LYN: variants seen among roughly 807,000 people sequenced by gnomAD.
LYN encodes the protein tyrosine-protein kinase Lyn.
LYN carries 12 observed loss-of-function variants against 65.0 expected under a neutral mutation model. The observed-to-expected ratio is 0.18, with a 90% CI of 0.12 to 0.30. LYN has a LOEUF of 0.30. Ranked by LOEUF, LYN falls within the 10% of genes least tolerant of loss-of-function variation. LYN has a pLI of 1.00. For missense variants in LYN, 380 were observed against 623.2 expected (o/e 0.61, Z 4.16); for synonymous variants, 222 against 221.2 (o/e 1.00, Z -0.03).
intron 3 of LYN, among the ~76,000 whole-genome samples, chr8:55,946,881 C>T (rs1398211611): frequency 6.6e-6 from 1 of 152,182 alleles, no homozygotes; most frequent in Non-Finnish European, 1.5e-5. Flanking sequence ...AGCCTGATGT[C>T]CTCAAGGTTC....
Position 55,977,218 on chromosome 8 carries a change from C to A in LYN, c.1050+7425C>A, listed in dbSNP as rs569473175. ...AAATAAAAATAAAAATAAACTAGAC[C>A]GGTTCATTCTCAGTTGTGGAAGACT... On this transcript the variant is annotated intron_variant, in intron 10 of 12. Coordinates refer to ENST00000519728, the MANE Select transcript of LYN (RefSeq NM_002350.4). Among the ~76,000 whole-genome samples the A allele has an allele frequency of 2.0e-5, 3 of 152,018 alleles. No homozygotes were observed. In the South Asian group the frequency reaches 6.2e-4, roughly 32 times the overall value.
chr8:55,880,101 C>G lies in LYN; in HGVS notation c.-8C>G, dbSNP rs779529301. Reference sequence around the variant, plus strand: ...GCCGCCCCGAAACTTTCACCGCGAGCGGGTGAGTCCTCTGCGCGAGCCCAG... The same window carrying G: ...GCCGCCCCGAAACTTTCACCGCGAGGGGGTGAGTCCTCTGCGCGAGCCCAG... On this transcript the variant is annotated splice_region_variant and 5_prime_UTR_variant, in exon 1 of 13. Transcript: ENST00000519728. 5 of 288,952 alleles carry G rather than the reference C, an allele frequency of 1.7e-5. No homozygotes were observed. The highest frequency in any genetic ancestry group is 1.3e-4 in the South Asian group (5 of 37,222). 17.9% of individuals were successfully genotyped at this position (288,952 alleles called of 1,614,324 possible).
intron 1 of LYN, among the ~76,000 whole-genome samples, chr8:55,929,309 A>T (rs151286948): frequency 1.3e-4 from 20 of 152,290 alleles, no homozygotes; most frequent in African/African-American, 4.8e-4. Flanking sequence ...ACTAAGTGAG[A>T]CTAAGACTTA....
intron 1 of LYN, among the ~76,000 whole-genome samples, chr8:55,891,284 A>AGT (rs1468799524): frequency 2.0e-5 from 3 of 151,692 alleles, no homozygotes; most frequent in Admixed American, 1.3e-4. Context: ...CCCGGGAGGC[A>AGT]GAGGTTGCAG....
chr8:55,952,950 T>C (rs1026145199), intron 7 of LYN, among the ~76,000 whole-genome samples: 1 of 152,212 alleles, frequency 6.6e-6, no homozygotes, highest in African/African-American at 2.4e-5. Flanking sequence ...CCTGTGTAAT[T>C]GGAGTCAGTT....
intron 12 of LYN, among the ~76,000 whole-genome samples, chr8:56,002,376 G>A (rs563676524): frequency 5.9e-5 from 9 of 151,576 alleles, no homozygotes; most frequent in South Asian, 4.2e-4. Context: ...CTGAGATCGC[G>A]CCACTGCAAT....
intron 10 of LYN, among the ~76,000 whole-genome samples, chr8:55,993,559 A>T (rs1356865363): frequency 6.6e-6 from 1 of 152,018 alleles, no homozygotes; most frequent in East Asian, 1.9e-4. Flanking sequence ...ATTCCCCTTC[A>T]CTCTGCAGCT....
intron 1 of LYN, among the ~76,000 whole-genome samples, chr8:55,905,855 A>G (rs1187653882): frequency 6.6e-6 from 1 of 152,028 alleles, no homozygotes; most frequent in Non-Finnish European, 1.5e-5. Context: ...CTCCCATGCA[A>G]AGAGCCCGCT....
intron 1 of LYN, chr8:55,893,658 A>G (rs960067604): frequency 6.6e-6 from 1 of 152,246 alleles, no homozygotes; most frequent in Non-Finnish European, 1.5e-5. Context: ...CTCACTACTC[A>G]TGAATATGCA....
intron 10 of LYN, among the ~76,000 whole-genome samples, chr8:55,973,380 C>G (rs1585654972): frequency 2.0e-5 from 3 of 152,190 alleles, no homozygotes; most frequent in African/African-American, 7.2e-5. Flanking sequence ...GCAGCTTTAC[C>G]CACTGCTTTT....
intron 10 of LYN, among the ~76,000 whole-genome samples, chr8:55,973,632 G>A (rs1002372924): frequency 1.3e-5 from 2 of 152,204 alleles, no homozygotes; most frequent in Non-Finnish European, 2.9e-5. Flanking sequence ...AAAGAGCAGT[G>A]AAAAATTTAC....
At chr8:55,939,787 G>A (rs1806551191) in intron 1 of LYN, among the ~76,000 whole-genome samples, 1 of 152,192 alleles carries the variant, frequency 6.6e-6, no homozygotes, top group Admixed American at 6.5e-5. Flanking sequence ...GACGGGGCGT[G>A]GGAGGGATGA....
chr8:55,943,792 G>A (rs1323768507), intron 2 of LYN, among the ~76,000 whole-genome samples: 1 of 152,058 alleles, frequency 6.6e-6, no homozygotes, highest in East Asian at 1.9e-4. Flanking sequence ...TTCTTAAGAA[G>A]TGGAGATAGG....
At chr8:55,956,194 T>C (rs940296599) in intron 8 of LYN, among the ~76,000 whole-genome samples, 3 of 152,226 alleles carry the variant, frequency 2.0e-5, no homozygotes, top group African/African-American at 7.2e-5. Context: ...GGGGCAGGAA[T>C]AGTATAATGA....
intron 9 of LYN, among the ~76,000 whole-genome samples, chr8:55,969,443 A>G (rs980061354): frequency 9.9e-5 from 15 of 152,168 alleles, no homozygotes; most frequent in African/African-American, 3.6e-4. Context: ...TCTGAAATGC[A>G]TGGTTCTCAG....
intron 10 of LYN, among the ~76,000 whole-genome samples, chr8:55,993,948 T>G (rs1277387686): frequency 6.6e-6 from 1 of 152,200 alleles, no homozygotes; most frequent in Non-Finnish European, 1.5e-5. Flanking sequence ...CCTTGGTTTA[T>G]GTATTTATGT....
intron 1 of LYN, among the ~76,000 whole-genome samples, chr8:55,920,166 T>C (rs929650223): frequency 3.3e-5 from 5 of 151,816 alleles, no homozygotes; most frequent in African/African-American, 7.3e-5. Flanking sequence ...CCAGTGTGAG[T>C]TGGGGAAGAA....
At chr8:55,947,577 C>T (rs778759820) in intron 3 of LYN, 41 bp from the exon 4 acceptor site, 2 of 1,438,170 alleles carry the variant, frequency 1.4e-6, no homozygotes, top group Middle Eastern at 1.7e-4. Context: ...AACGCTTCTG[C>T]TGATGGATTC....
chr8:55,977,383 T>C (rs1055333743), intron 10 of LYN, among the ~76,000 whole-genome samples: 1 of 152,160 alleles, frequency 6.6e-6, no homozygotes, highest in Admixed American at 6.5e-5. Context: ...AGTGGATGCT[T>C]TTTGTATTTA....
Sources: allele counts gnomAD v4.1 joint callset (sites outside exome capture counted in the v4.1 genomes callset), GRCh38; gene constraint gnomAD v4.1.1; transcripts MANE v1.5; gene names NCBI Gene and HGNC (gene_info 2026-07-23, HGNC 2026-07-21).